The following DPP10 variants were observed in gnomAD, a reference collection of about 807,000 sequenced individuals.
DPP10 encodes dipeptidyl peptidase like 10.
A neutral mutation model predicts 120.9 loss-of-function variants in DPP10; 33 were observed. The ratio of observed to expected loss-of-function variants is 0.27; its 90% confidence interval spans 0.21 to 0.37. The LOEUF is 0.37. Among genes scored for constraint, DPP10 ranks in the 10% least tolerant of loss-of-function variants. The probability of loss-of-function intolerance (pLI) is 1.00; values close to 1 mark genes in which losing one functional copy is unlikely to be tolerated. For synonymous variants in DPP10, 337 were observed against 326.1 expected (o/e 1.03, Z -0.36); for missense variants, 816 against 942.8 (o/e 0.87, Z 1.76).
At chr2:115,265,269 A>ATATAT (rs1491130129) in intron 1 of DPP10, among the ~76,000 whole-genome samples, 16 of 17,514 alleles carry the variant, frequency 9.1e-4, no homozygotes, top group Non-Finnish European at 4.3e-3. Context: ...TTTGGATTCC[A>ATATAT]TATATATATA....
At chr2:115,106,404 C>T (rs575052055) in intron 1 of DPP10, among the ~76,000 whole-genome samples, 1 of 152,286 alleles carries the variant, frequency 6.6e-6, no homozygotes, top group South Asian at 2.1e-4. Flanking sequence ...AATAAAGTTT[C>T]TTAAACTAGG....
At chr2:115,703,967 T>G (rs1223627821) in intron 7 of DPP10, among the ~76,000 whole-genome samples, 3 of 151,974 alleles carry the variant, frequency 2.0e-5, no homozygotes, top group African/African-American at 7.2e-5. Flanking sequence ...TTCTCACATC[T>G]CCAGTCATTC....
chr2:115,630,069 A>G (rs773527476), intron 5 of DPP10, among the ~76,000 whole-genome samples: 2 of 151,872 alleles, frequency 1.3e-5, no homozygotes, highest in Non-Finnish European at 2.9e-5. Context: ...TCTGTGTCCT[A>G]TCTTATTTCC....
At chr2:115,188,244 T>A (rs1331628678) in intron 1 of DPP10, among the ~76,000 whole-genome samples, 1 of 152,158 alleles carries the variant, frequency 6.6e-6, no homozygotes, top group Non-Finnish European at 1.5e-5. Flanking sequence ...TTCCTTCGTA[T>A]TTTTTAGGAT....
chr2:115,652,409 A>ATGTGTATGTGTGTGTGTGTG (rs1181566449), intron 5 of DPP10, among the ~76,000 whole-genome samples: 39 of 145,574 alleles, frequency 2.7e-4, no homozygotes, highest in African/African-American at 9.5e-4. Flanking sequence ...TAGGATATAT[A>ATGTGTATGTGTGTGTGTGTG]TGTGTGTGTG....
chr2:115,709,580 A>C (rs1008549213), intron 7 of DPP10, among the ~76,000 whole-genome samples: 6 of 151,116 alleles, frequency 4.0e-5, no homozygotes, highest in Non-Finnish European at 8.8e-5. Context: ...GAATATTAAA[A>C]AGAAGAAAAT....
chr2:115,138,407 G>C (rs2050755616), intron 1 of DPP10, among the ~76,000 whole-genome samples: 1 of 152,140 alleles, frequency 6.6e-6, no homozygotes, highest in African/African-American at 2.4e-5. Context: ...TGGTTAAAGA[G>C]TGGCATTTTG....
At chr2:114,597,607 C>T (rs186656233) in intron 1 of DPP10, among the ~76,000 whole-genome samples, 12 of 152,042 alleles carry the variant, frequency 7.9e-5, no homozygotes, top group Admixed American at 1.3e-4. Flanking sequence ...TTTTGTTCAA[C>T]GTTTCAGTCA....
chr2:115,531,763 A>G (rs1468685039), intron 5 of DPP10, among the ~76,000 whole-genome samples: 1 of 152,164 alleles, frequency 6.6e-6, no homozygotes, highest in Non-Finnish European at 1.5e-5. Context: ...CATCACCCAG[A>G]TAAAGCAGCA....
chr2:114,676,437 G>A (rs1698677473), intron 1 of DPP10, among the ~76,000 whole-genome samples: 1 of 152,088 alleles, frequency 6.6e-6, no homozygotes, highest in African/African-American at 2.4e-5. Flanking sequence ...AGCATTATTG[G>A]TAGTATAAGG....
At chr2:115,441,250 A>G (rs890753105) in intron 3 of DPP10, among the ~76,000 whole-genome samples, 1 of 152,230 alleles carries the variant, frequency 6.6e-6, no homozygotes, top group Non-Finnish European at 1.5e-5. Context: ...GTAAAGAGCC[A>G]AAGGTGAGTT....
intron 5 of DPP10, among the ~76,000 whole-genome samples, chr2:115,529,679 A>G (rs2078348523): frequency 6.6e-6 from 1 of 152,178 alleles, no homozygotes; most frequent in African/African-American, 2.4e-5. Context: ...ATTATTAAAT[A>G]AACTAGTGAA....
chr2:115,116,233 G>A (rs565463200), intron 1 of DPP10, among the ~76,000 whole-genome samples: 11 of 152,170 alleles, frequency 7.2e-5, no homozygotes, highest in South Asian at 4.1e-4. Flanking sequence ...GAGCTATTTC[G>A]TTAATGGATT....
chr2:115,629,144 C>G (rs1221594593), intron 5 of DPP10, among the ~76,000 whole-genome samples: 1 of 152,178 alleles, frequency 6.6e-6, no homozygotes, highest in African/African-American at 2.4e-5. Flanking sequence ...AGGACACGAA[C>G]TCATCCTTTT....
intron 3 of DPP10, among the ~76,000 whole-genome samples, chr2:115,404,766 G>A (rs1046714792): frequency 2.0e-5 from 3 of 152,156 alleles, no homozygotes; most frequent in Admixed American, 6.5e-5. Flanking sequence ...GGGGAAGGAG[G>A]CACACAAAAG....
chr2:115,257,343 GGT>G (rs35520455), intron 1 of DPP10, among the ~76,000 whole-genome samples: 5,976 of 152,230 alleles, frequency 0.039, 216 homozygotes, highest in East Asian at 0.19. Context: ...AAAGAAGAGA[GGT>G]GTAATTGACT....
At chr2:115,464,517 G>A (rs938132315) in intron 3 of DPP10, among the ~76,000 whole-genome samples, 2 of 151,998 alleles carry the variant, frequency 1.3e-5, no homozygotes, top group African/African-American at 4.8e-5. Flanking sequence ...TCACCCCTGA[G>A]GCTGTTAGCA....
chr2:115,647,806 G>A (rs1045144677), intron 5 of DPP10, among the ~76,000 whole-genome samples: 50 of 152,046 alleles, frequency 3.3e-4, no homozygotes, highest in African/African-American at 1.1e-3. Flanking sequence ...CCTTTTAAAA[G>A]GGCCTTAATT....
intron 3 of DPP10, among the ~76,000 whole-genome samples, chr2:115,408,395 A>G (rs774944500): frequency 2.6e-5 from 4 of 152,104 alleles, no homozygotes; most frequent in African/African-American, 4.8e-5. Context: ...TTCAGCCTTC[A>G]GGCTGTTTTA....
Sources: allele counts gnomAD v4.1 joint callset (sites outside exome capture counted in the v4.1 genomes callset), GRCh38; gene constraint gnomAD v4.1.1; transcripts MANE v1.5; gene names NCBI Gene and HGNC (gene_info 2026-07-23, HGNC 2026-07-21).